PHF24: variants seen among roughly 807,000 people sequenced by gnomAD.
The protein encoded by PHF24 is Galpha inhibitory interacting protein.
A neutral mutation model predicts 42.6 loss-of-function variants in PHF24; 25 were observed. The observed-to-expected ratio is 0.59, with a 90% confidence interval of 0.43 to 0.82. PHF24 has a LOEUF of 0.82. PHF24 is among the 40% of genes least tolerant of loss of function. The pLI is 0.00. For synonymous variants in PHF24, 185 were observed against 204.8 expected (o/e 0.90, Z 0.83); for missense variants, 470 against 538.1 (o/e 0.87, Z 1.25).
chr9:34,920,156 A>G, the PHF24 span, among the ~76,000 whole-genome samples: 1 of 152,128 alleles, frequency 6.6e-6, no homozygotes, highest in Admixed American at 6.5e-5. Context: ...TGGCTGTACT[A>G]ATTTACATTC....
chr9:34,822,756 A>G, the PHF24 span, among the ~76,000 whole-genome samples: 2 of 152,224 alleles, frequency 1.3e-5, no homozygotes. Context: ...GAGTACAGCC[A>G]AAGAATCTTT....
the PHF24 span, among the ~76,000 whole-genome samples, chr9:34,831,370 G>A: frequency 6.6e-6 from 1 of 152,182 alleles, no homozygotes; most frequent in African/African-American, 2.4e-5. Flanking sequence ...GGAGAGTGGT[G>A]GAGAAGGGCT....
the PHF24 span, among the ~76,000 whole-genome samples, chr9:34,729,070 C>T: frequency 1.3e-5 from 2 of 152,100 alleles, no homozygotes; most frequent in African/African-American, 4.8e-5. Context: ...GTTCTCAATC[C>T]AAACCAAATA....
At chr9:34,796,432 C>G in the PHF24 span, among the ~76,000 whole-genome samples, 1 of 141,586 alleles carries the variant, frequency 7.1e-6, no homozygotes. Context: ...TAAAAAAAAA[C>G]AAGATATTGA....
the PHF24 span, among the ~76,000 whole-genome samples, chr9:34,827,532 A>G: frequency 1.1e-5 from 1 of 93,512 alleles, no homozygotes; most frequent in African/African-American, 4.2e-5. Context: ...GGGTCCCATC[A>G]GAGGAAGCAA....
chr9:34,974,605 G>T (rs779677978), intron 3 of PHF24, among the ~76,000 whole-genome samples: 1 of 151,968 alleles, frequency 6.6e-6, no homozygotes. Context: ...TTAGTTTCTT[G>T]TCTCAGTCCT....
At chr9:34,964,847 G>T (rs1407809881) in intron 1 of PHF24, among the ~76,000 whole-genome samples, 1 of 152,010 alleles carries the variant, frequency 6.6e-6, no homozygotes, top group African/African-American at 2.4e-5. Flanking sequence ...ACCATCACCT[G>T]CTCCTCTCCC....
the PHF24 span, among the ~76,000 whole-genome samples, chr9:34,874,816 A>T: frequency 1.3e-5 from 2 of 152,026 alleles, no homozygotes; most frequent in Non-Finnish European, 2.9e-5. Context: ...ATTATTTTTT[A>T]AAATTTTTGT....
the PHF24 span, among the ~76,000 whole-genome samples, chr9:34,683,319 C>T: frequency 6.6e-6 from 1 of 152,240 alleles, no homozygotes; most frequent in Admixed American, 6.5e-5. Flanking sequence ...CCTTGGCCTC[C>T]CAAAGTGCTG....
the PHF24 span, chr9:34,729,464 C>T: frequency 2.2e-5 from 33 of 1,526,372 alleles, no homozygotes; most frequent in Non-Finnish European, 2.9e-5. Context: ...AACCATCCCT[C>T]TATCTCGGAA....
the PHF24 span, chr9:34,922,851 G>T: frequency 6.3e-7 from 1 of 1,586,464 alleles, no homozygotes; most frequent in East Asian, 2.2e-5. Context: ...CTTCATGCAG[G>T]CTGCCATATC....
chr9:34,728,800 A>C, the PHF24 span: 2 of 789,172 alleles, frequency 2.5e-6, no homozygotes, highest in Non-Finnish European at 4.0e-6. Context: ...TCCTTTGCCT[A>C]TTCCACCTTT....
intron 1 of PHF24, among the ~76,000 whole-genome samples, chr9:34,965,646 C>T (rs1180236227): frequency 6.6e-6 from 1 of 152,144 alleles, no homozygotes; most frequent in Non-Finnish European, 1.5e-5. Flanking sequence ...TCTTGGTATC[C>T]TTATAAAGAA....
chr9:34,802,252 T>C, the PHF24 span, among the ~76,000 whole-genome samples: 2 of 152,176 alleles, frequency 1.3e-5, no homozygotes, highest in Admixed American at 1.3e-4. Context: ...CTCATTCAGC[T>C]GCCAATTATA....
At chr9:34,794,443 G>A in the PHF24 span, among the ~76,000 whole-genome samples, 1 of 152,166 alleles carries the variant, frequency 6.6e-6, no homozygotes, top group Admixed American at 6.5e-5. Flanking sequence ...TTCAACATAT[G>A]AAACCAGGAA....
chr9:34,780,747 A>G, the PHF24 span, among the ~76,000 whole-genome samples: 132,691 of 152,206 alleles, frequency 0.87, 59,796 homozygotes, highest in Non-Finnish European at 0.98. Context: ...TAAATCCTAC[A>G]ACTCAACTAC....
chr9:34,869,333 G>C, the PHF24 span, among the ~76,000 whole-genome samples: 1 of 152,192 alleles, frequency 6.6e-6, no homozygotes, highest in African/African-American at 2.4e-5. Context: ...TCACCACACT[G>C]TCTTCTATAA....
At chr9:34,884,379 A>G in the PHF24 span, among the ~76,000 whole-genome samples, 2 of 152,246 alleles carry the variant, frequency 1.3e-5, no homozygotes, top group Non-Finnish European at 2.9e-5. Context: ...ATTTAAAAAA[A>G]GAATAATTTT....
chr9:34,731,121 T>C, the PHF24 span, among the ~76,000 whole-genome samples: 2 of 152,222 alleles, frequency 1.3e-5, no homozygotes, highest in Non-Finnish European at 2.9e-5. Flanking sequence ...ATCTCTCTTT[T>C]AAAAAATGTT....
Sources: gnomAD v4.1 joint callset for allele counts (sites outside exome capture counted in the v4.1 genomes callset) on GRCh38, gnomAD v4.1.1 for gene constraint, MANE v1.5 for transcripts, NCBI Gene and HGNC (gene_info 2026-07-23, HGNC 2026-07-21) for gene names.